SLC5A4: variants seen among roughly 807,000 people sequenced by gnomAD.
SLC5A4 encodes probable glucose sensor protein SLC5A4.
SLC5A4 carries 55 observed loss-of-function variants against 70.3 expected under a neutral mutation model. The ratio of observed to expected loss-of-function variants is 0.78; its 90% confidence interval spans 0.63 to 0.98. SLC5A4 has a LOEUF of 0.98. Among genes scored for constraint, SLC5A4 ranks in the 50% least tolerant of loss-of-function variants. SLC5A4 has a pLI of 0.00. For missense variants in SLC5A4, 735 were observed against 839.2 expected, an observed-to-expected ratio of 0.88 and a Z score of 1.53; for synonymous variants, 268 against 305.7, an observed-to-expected ratio of 0.88 and a Z score of 1.29.
chr22:32,292,385 A>T, the SLC5A4 span, among the ~76,000 whole-genome samples: 1 of 147,378 alleles, frequency 6.8e-6, no homozygotes, highest in East Asian at 1.9e-4. Context: ...TAATATGTAC[A>T]TACTAGATAT....
the SLC5A4 span, among the ~76,000 whole-genome samples, chr22:32,320,105 A>G: frequency 0.051 from 7,779 of 152,318 alleles, 366 homozygotes; most frequent in Admixed American, 0.15. Flanking sequence ...CAGCAAATCC[A>G]AACTCTAAAA....
the SLC5A4 span, chr22:32,269,264 T>A: frequency 5.5e-6 from 1 of 182,552 alleles, no homozygotes; most frequent in Non-Finnish European, 1.1e-5. The surrounding 1 kb of genome is among the most constrained non-coding windows in gnomAD (Gnocchi z 4.1). Flanking sequence ...CATATTTCTT[T>A]GGGTGTAGCA....
chr22:32,254,018 T>C, intron 2 of SLC5A4, 124 bp downstream of exon 2: 9 of 784,068 alleles, frequency 1.1e-5, no homozygotes, highest in Non-Finnish European at 1.9e-5. Flanking sequence ...TGACCTCAGA[T>C]GATCTGCCAG....
Position 32,218,586 on chromosome 22 carries a change from C to G in SLC5A4, c.1908G>C (p.Trp636Cys). The G allele has an allele frequency of 6.2e-7, 1 of 1,614,014 alleles. No individual in the cohort carries two copies. Among genetic ancestry groups the G allele is most frequent in the South Asian group, 1.1e-5 (1 of 91,068 alleles). The stretch of plus-strand genomic sequence containing the variant: ...TGGCGTTGATGTTCACTATTGTCCT[C>G]CACGAGGGCCTCTCAGACGTGTCTG... ...KLTDTSERPS[W>C]RTIVNINAIL... is the part of the protein sequence containing the mutation. The change falls in exon 15 of 15, where the codon TGG becomes TGC. Residue 636 changes from tryptophan (W) to cysteine (C), a missense_variant. Trp to Cys is a radical substitution (Grantham distance 215). Transcript: ENST00000266086.
intron 5 of SLC5A4, among the ~76,000 whole-genome samples, chr22:32,243,077 G>A (rs1241995632): frequency 2.6e-5 from 4 of 152,140 alleles, no homozygotes; most frequent in Admixed American, 6.5e-5. Flanking sequence ...ACTTTGACCA[G>A]GTGATTAAAA....
chr22:32,347,244 C>T, the SLC5A4 span, among the ~76,000 whole-genome samples: 69 of 152,240 alleles, frequency 4.5e-4, no homozygotes, highest in African/African-American at 1.5e-3. Flanking sequence ...GGAACACTTT[C>T]ACACTGTTGG....
chr22:32,347,518 T>C, the SLC5A4 span, among the ~76,000 whole-genome samples: 3 of 151,998 alleles, frequency 2.0e-5, no homozygotes. Context: ...TGGAATACTA[T>C]GCAGCCATAA....
the SLC5A4 span, among the ~76,000 whole-genome samples, chr22:32,316,377 A>C: frequency 1.3e-5 from 2 of 152,214 alleles, no homozygotes; most frequent in Non-Finnish European, 2.9e-5. Context: ...TGAATGAGAA[A>C]AAAGAAGGGC....
chr22:32,248,768 A>G lies in SLC5A4; in HGVS notation c.347T>C (p.Phe116Ser). The G allele has an allele frequency of 6.2e-7, 1 of 1,613,456 alleles. No homozygotes were observed. Among genetic ancestry groups the G allele is most frequent in the Non-Finnish European group, 8.5e-7 (1 of 1,179,374 alleles). Reference protein sequence around the residue: ...SVMLLILGWIFVPIYIKSGVM... With the variant: ...SVMLLILGWISVPIYIKSGVM... ...CCCCGACTTGATGTAGATAGGGACA[A>G]AGATCCACCCAAGAATCAGCAACAT... The change falls in exon 4 of 15, where the codon TTT (phenylalanine) becomes TCT (serine). Residue 116 changes from phenylalanine (F) to serine (S), a missense_variant. By Grantham distance (155) the Phe-to-Ser change is radical (BLOSUM62 -2). Transcript: ENST00000266086.
At chr22:32,297,260 T>C in the SLC5A4 span, among the ~76,000 whole-genome samples, 3 of 149,106 alleles carry the variant, frequency 2.0e-5, no homozygotes, top group Admixed American at 6.7e-5. Flanking sequence ...CTGGTAGAAT[T>C]TGGCTGTGAA....
the SLC5A4 span, among the ~76,000 whole-genome samples, chr22:32,284,394 G>T: frequency 6.6e-6 from 1 of 152,202 alleles, no homozygotes; most frequent in Admixed American, 6.5e-5. Context: ...CAAGCCTGTG[G>T]GTTGCACATG....
chr22:32,329,178 G>C, the SLC5A4 span, among the ~76,000 whole-genome samples: 1 of 152,220 alleles, frequency 6.6e-6, no homozygotes, highest in South Asian at 2.1e-4. Flanking sequence ...GGCAACTGAG[G>C]GCTCTGGCCC....
At chr22:32,223,907 A>C (rs1925229303) in intron 13 of SLC5A4, among the ~76,000 whole-genome samples, 1 of 152,120 alleles carries the variant, frequency 6.6e-6, no homozygotes, top group African/African-American at 2.4e-5. Flanking sequence ...ATACATGCAT[A>C]CAATAAAAGG....
At chr22:32,260,024 A>G (rs1426338765), upstream of SLC5A4, among the ~76,000 whole-genome samples, 2 of 152,224 alleles carry the variant, frequency 1.3e-5, no homozygotes, top group African/African-American at 2.4e-5. Context: ...AGGCCCAGGA[A>G]GATTGAGGCT....
the SLC5A4 span, among the ~76,000 whole-genome samples, chr22:32,308,764 ATGTATGTG>A: frequency 4.4e-5 from 3 of 68,044 alleles, no homozygotes; most frequent in Middle Eastern, 0.012. Context: ...ATGAAATCAC[ATGTATGTG>A]TGTGAGGGCA....
At chr22:32,331,411 C>T in the SLC5A4 span, among the ~76,000 whole-genome samples, 3 of 152,140 alleles carry the variant, frequency 2.0e-5, no homozygotes, top group East Asian at 1.9e-4. Context: ...AACTCCCTCG[C>T]GCCCCAGTCA....
the SLC5A4 span, among the ~76,000 whole-genome samples, chr22:32,306,967 C>T: frequency 0.15 from 22,153 of 152,198 alleles, 1,771 homozygotes; most frequent in Non-Finnish European, 0.19. Flanking sequence ...CCATGTCATC[C>T]ATAGTTTTTG....
chr22:32,283,082 A>G, the SLC5A4 span, among the ~76,000 whole-genome samples: 1 of 152,202 alleles, frequency 6.6e-6, no homozygotes, highest in African/African-American at 2.4e-5. Flanking sequence ...GCAAAGCCCC[A>G]GATAATTTGA....
the SLC5A4 span, among the ~76,000 whole-genome samples, chr22:32,302,944 A>G: frequency 6.6e-5 from 10 of 152,348 alleles, no homozygotes; most frequent in Admixed American, 2.0e-4. Context: ...TGAGTATTTC[A>G]ATCTGTGAAT....
Sources: allele counts gnomAD v4.1 joint callset (sites outside exome capture counted in the v4.1 genomes callset), GRCh38; gene constraint gnomAD v4.1.1; non-coding constraint Gnocchi (gnomAD v3.1); transcripts MANE v1.5; gene names NCBI Gene and HGNC (gene_info 2026-07-23, HGNC 2026-07-21).